PSPC1: variants seen among roughly 807,000 people sequenced by gnomAD.
The protein encoded by PSPC1 is paraspeckle component 1.
PSPC1 carries 14 observed loss-of-function variants against 51.6 expected under a neutral mutation model. That is an observed-to-expected ratio of 0.27 (90% CI 0.18 to 0.42). The LOEUF (loss-of-function observed/expected upper bound fraction) is 0.42. Among genes scored for constraint, PSPC1 ranks in the 10% least tolerant of loss-of-function variants. PSPC1 has a pLI of 1.00. For synonymous variants in PSPC1, 193 were observed against 231.9 expected (o/e 0.83, Z 1.53); for missense variants, 406 against 701.1 (o/e 0.58, Z 4.75).
At chr13:19,744,633 C>T (rs144636606) in intron 4 of PSPC1, among the ~76,000 whole-genome samples, 274 of 151,860 alleles carry the variant, frequency 1.8e-3, no homozygotes, top group African/African-American at 6.3e-3. Context: ...GGCGAGGTCT[C>T]GGCTCACTGC....
chr13:19,782,776 G>T lies in PSPC1; in HGVS notation c.-19C>A. The T allele has an allele frequency of 6.6e-7, 1 of 1,524,666 alleles. No homozygotes were observed. Among genetic ancestry groups the T allele is most frequent in the Admixed American group, 2.3e-5 (1 of 43,400 alleles). The allele number at this position is 1,524,666 out of a possible 1,614,324, so 94.4% of individuals were successfully genotyped here. On this transcript the variant is annotated 5_prime_UTR_variant, in exon 1 of 9. Transcript: ENST00000338910. This position sits in a 1 kb window ranked among gnomAD's most constrained non-coding sequence, Gnocchi z 4.5. ...ACATCATCTTACTGAGTTCGCCTCG[G>T]ACACCGGATACAGGCCTAGATTTAT...
intron 3 of PSPC1, among the ~76,000 whole-genome samples, chr13:19,753,957 T>C (rs1339304461): frequency 6.6e-6 from 1 of 152,114 alleles, no homozygotes; most frequent in Non-Finnish European, 1.5e-5. Flanking sequence ...AGTCAAAGAC[T>C]GACTATATTT....
Position 19,730,431 on chromosome 13 carries a change from T to C in PSPC1, c.1053-87A>G. 4.9e-6 allele frequency: 6 copies of C among 1,222,034 alleles called. No individual in the cohort carries two copies. The South Asian group carries it at 7.3e-5, about 15-fold the overall frequency. 75.7% of individuals were successfully genotyped at this position (1,222,034 alleles called of 1,614,324 possible). On this transcript the variant is annotated intron_variant, in intron 5 of 8. Coordinates refer to ENST00000338910, the MANE Select transcript of PSPC1 (RefSeq NM_001354909.2). ...ACTTCATGTAAAATGAAATCATTTA[T>C]GCAATCATATTATGCCAAACCTGTA...
Position 19,703,019 on chromosome 13 carries a change from A to C in PSPC1, c.*156T>G. 1 of 523,338 alleles carries C rather than the reference A, an allele frequency of 1.9e-6. No individual in the cohort carries two copies. Among genetic ancestry groups the C allele is most frequent in the South Asian group, 2.9e-5 (1 of 34,990 alleles). The allele number at this position is 523,338 out of a possible 1,614,324, so 32.4% of individuals were successfully genotyped here. A position where few individuals can be genotyped will look rare whatever the true frequency, so the allele number is the denominator to read the frequency against. ...ATTCTAATCTACAAAGCTCATGAAT[A>C]AAGAAAAATACAAAAACCTCAAGTT... On this transcript the variant is annotated 3_prime_UTR_variant, in exon 9 of 9. Transcript: ENST00000338910.
rs370186959 is a variant in PSPC1, at chr13:19,769,249, C to G, written c.674+2993G>C. Among the ~76,000 whole-genome samples, 27 of 149,808 alleles carry G rather than the reference C, an allele frequency of 1.8e-4. 1 individual carries two copies. Among genetic ancestry groups the G allele is most frequent in the East Asian group, 1.4e-3 (7 of 5,150 alleles). ...GGTCTGGAGTTAGAGACCACCCTCA[C>G]CAACACGTAGAAACCCCGTCTAACG... is the stretch of plus-strand genomic sequence containing the variant. On this transcript the variant is annotated intron_variant, in intron 2 of 8. Coordinates refer to ENST00000338910, the MANE Select transcript of PSPC1 (RefSeq NM_001354909.2).
intron 2 of PSPC1, among the ~76,000 whole-genome samples, chr13:19,761,639 A>AT (rs1225709865): frequency 1.4e-4 from 22 of 152,224 alleles, no homozygotes; most frequent in African/African-American, 4.3e-4. Context: ...CAGGTATGGA[A>AT]TATCATGGAG....
At chr13:19,767,360 G>T (rs1888175398) in intron 2 of PSPC1, among the ~76,000 whole-genome samples, 1 of 152,036 alleles carries the variant, frequency 6.6e-6, no homozygotes, top group South Asian at 2.1e-4. Context: ...TTACAAATCA[G>T]CAACTAAGTT....
rs557625624 is a variant in PSPC1, at chr13:19,690,163, T to A, written c.1159-12340A>T. On this transcript the variant is annotated intron_variant and NMD_transcript_variant, in intron 6 of 7. Transcript: ENST00000471658. ...TCCAATGTATCAAAACCTGAGAGGA[T>A]TAGGTAGTCCCCTTCATCACATATA... is the stretch of plus-strand genomic sequence containing the variant. Among the ~76,000 whole-genome samples the A allele has an allele frequency of 3.0e-4, 45 of 152,362 alleles. No homozygotes were observed. In the South Asian group the frequency reaches 6.0e-3, roughly 20 times the overall value.
Position 19,752,667 on chromosome 13 carries a change from C to T in PSPC1, c.771-1200G>A, listed in dbSNP as rs564800407. ...ATGGTATAATCTCAGCTCACTGCAA[C>T]CTTCGCCTCCCGGGTTCGCACCATT... On this transcript the variant is annotated intron_variant, in intron 3 of 8. Coordinates refer to ENST00000338910, the MANE Select transcript of PSPC1 (RefSeq NM_001354909.2). 5.3e-5 allele frequency among the ~76,000 whole-genome samples: 8 copies of T among 152,072 alleles called. No individual in the cohort carries two copies. The East Asian group carries it at 1.4e-3, about 26-fold the overall frequency.
intron 4 of PSPC1, among the ~76,000 whole-genome samples, chr13:19,749,345 T>C (rs923507735): frequency 2.0e-5 from 3 of 151,592 alleles, no homozygotes; most frequent in African/African-American, 7.3e-5. Context: ...TGAGACTCCA[T>C]CTCAAATTTT....
chr13:19,767,908 T>C (rs907091559), intron 2 of PSPC1, among the ~76,000 whole-genome samples: 3 of 152,168 alleles, frequency 2.0e-5, no homozygotes, highest in Non-Finnish European at 2.9e-5. Flanking sequence ...ATCTGCTCTT[T>C]GAGGGTCACT....
At chr13:19,730,979 A>AC (rs1884038169) in intron 5 of PSPC1, among the ~76,000 whole-genome samples, 1 of 138,162 alleles carries the variant, frequency 7.2e-6, no homozygotes. Context: ...AAAAAAAAAA[A>AC]CAGAAAAAGT....
At chr13:19,777,843 G>A (rs968177707) in intron 1 of PSPC1, among the ~76,000 whole-genome samples, 1 of 152,148 alleles carries the variant, frequency 6.6e-6, no homozygotes, top group African/African-American at 2.4e-5. Flanking sequence ...CTACTCAGGA[G>A]GCTGAGGCAG....
At chr13:19,776,475 C>T (rs968504388) in intron 1 of PSPC1, among the ~76,000 whole-genome samples, 3 of 151,956 alleles carry the variant, frequency 2.0e-5, no homozygotes, top group African/African-American at 7.2e-5. Context: ...ACAAAAATCA[C>T]CAACCAGTAC....
At chr13:19,686,122 T>C (rs1319107124) in intron 6 of PSPC1, among the ~76,000 whole-genome samples, 1 of 152,244 alleles carries the variant, frequency 6.6e-6, no homozygotes, top group African/African-American at 2.4e-5. Context: ...GCTAACGTAA[T>C]TCCTTTCTAA....
At chr13:19,728,388 G>C (rs375937144) in intron 6 of PSPC1, among the ~76,000 whole-genome samples, 37 of 148,666 alleles carry the variant, frequency 2.5e-4, no homozygotes, top group Non-Finnish European at 4.7e-4. Flanking sequence ...CCTTTAAACT[G>C]AACAGTGAAA....
intron 2 of PSPC1, 88 bp from the exon 3 acceptor site, chr13:19,759,506 T>C (rs563258092): frequency 3.4e-6 from 3 of 892,342 alleles, no homozygotes; most frequent in South Asian, 3.4e-5. Flanking sequence ...ATAATAAAGA[T>C]ATATACTTAG....
intron 6 of PSPC1, among the ~76,000 whole-genome samples, chr13:19,718,405 G>A (rs953489907): frequency 6.6e-6 from 1 of 152,110 alleles, no homozygotes; most frequent in Non-Finnish European, 1.5e-5. Context: ...AAATTACATT[G>A]ACGGAACTGC....
intron 4 of PSPC1, 38 bp from the exon 5 acceptor site, chr13:19,741,687 C>T: frequency 7.4e-7 from 1 of 1,354,500 alleles, no homozygotes; most frequent in Non-Finnish European, 1.0e-6. Context: ...TTTTTAGTTT[C>T]CCTTTCCATA....
Sources: allele counts gnomAD v4.1 joint callset (sites outside exome capture counted in the v4.1 genomes callset), GRCh38; gene constraint gnomAD v4.1.1; non-coding constraint Gnocchi (gnomAD v3.1); transcripts MANE v1.5; gene names NCBI Gene and HGNC (gene_info 2026-07-23, HGNC 2026-07-21).